ABCG1: variants seen among roughly 807,000 people sequenced by gnomAD.
ABCG1 encodes the protein ATP-binding cassette sub-family G member 1.
Under a neutral mutation model 69.2 loss-of-function variants are expected in ABCG1, and 29 were observed. The ratio of observed to expected loss-of-function variants is 0.42; its 90% CI spans 0.31 to 0.57. The LOEUF (loss-of-function observed/expected upper bound fraction) is 0.57. ABCG1 is among the 20% of genes least tolerant of loss of function. ABCG1 has a pLI of 0.15. For missense variants in ABCG1, 718 were observed against 898.1 expected, an observed-to-expected ratio of 0.80 and a Z score of 2.56; for synonymous variants, 370 against 374.8, an observed-to-expected ratio of 0.99 and a Z score of 0.15.
chr21:42,266,738 A>G (rs2068512243), intron 2 of ABCG1, among the ~76,000 whole-genome samples: 1 of 152,160 alleles, frequency 6.6e-6, no homozygotes, highest in Non-Finnish European at 1.5e-5. Context: ...CTCATAGAGC[A>G]TTTGCTTCCT....
At chr21:42,277,857 G>A (rs576629390) in intron 5 of ABCG1, among the ~76,000 whole-genome samples, 1 of 152,262 alleles carries the variant, frequency 6.6e-6, no homozygotes, top group East Asian at 1.9e-4. Flanking sequence ...TCTATTTCCG[G>A]CATTTCCCCC....
intron 2 of ABCG1, among the ~76,000 whole-genome samples, chr21:42,254,483 G>C (rs1368400442): frequency 6.6e-6 from 1 of 152,158 alleles, no homozygotes; most frequent in African/African-American, 2.4e-5. Flanking sequence ...AATCCCTCAC[G>C]TGTGTTTTGA....
chr21:42,262,909 G>T (rs2068438108), intron 2 of ABCG1, among the ~76,000 whole-genome samples: 1 of 152,376 alleles, frequency 6.6e-6, no homozygotes, highest in Admixed American at 6.5e-5. Flanking sequence ...GCTCTGGCCT[G>T]GTGAGGCCCG....
chr21:42,205,305 T>A (rs999158026), intron 2 of ABCG1, among the ~76,000 whole-genome samples: 9 of 152,128 alleles, frequency 5.9e-5, no homozygotes, highest in Admixed American at 1.3e-4. Context: ...GTTTGTCAAT[T>A]TTATTGATTG....
rs116291780 is a variant in ABCG1, at chr21:42,258,214, C to T, written c.287-12856C>T. On this transcript the variant is annotated intron_variant, in intron 2 of 14. Coordinates refer to ENST00000398449, the MANE Select transcript of ABCG1 (RefSeq NM_016818.3). The stretch of plus-strand genomic sequence containing the variant: ...CCTTCCTCCCATTTCCCCACCCACT[C>T]CATAAGCCTCTCCAACCATCCCTCC... 6.0e-3 allele frequency among the ~76,000 whole-genome samples: 909 copies of T among 150,810 alleles called. 17 individuals carry two copies. The highest frequency in any genetic ancestry group is 0.021 in the African/African-American group (867 of 40,744).
intron 2 of ABCG1, among the ~76,000 whole-genome samples, chr21:42,202,548 C>A (rs1230999528): frequency 4.6e-5 from 7 of 151,496 alleles, no homozygotes; most frequent in Non-Finnish European, 1.0e-4. Context: ...CCTCTCTCGG[C>A]AGCTCCCAGG....
At chr21:42,255,354 T>A (rs1197657490) in intron 2 of ABCG1, among the ~76,000 whole-genome samples, 2 of 152,130 alleles carry the variant, frequency 1.3e-5, no homozygotes, top group Non-Finnish European at 2.9e-5. Flanking sequence ...GTGTACATGG[T>A]GTGTGTGCAC....
At chr21:42,247,954 G>C (rs1010846853) in intron 2 of ABCG1, among the ~76,000 whole-genome samples, 2 of 152,150 alleles carry the variant, frequency 1.3e-5, no homozygotes, top group Non-Finnish European at 2.9e-5. Context: ...GTGTGGCATC[G>C]CGGACATCTC....
intron 4 of ABCG1, among the ~76,000 whole-genome samples, chr21:42,275,218 C>T (rs2068688727): frequency 6.6e-6 from 1 of 152,184 alleles, no homozygotes; most frequent in Admixed American, 6.5e-5. Flanking sequence ...CCCTAAACTT[C>T]TTTGTGGGGA....
rs2068605417 is a variant in ABCG1 at position 42,270,945 on chromosome 21, C to T, written c.287-125C>T. ...GAAGTTCATGTTCTTCCCTGGAATG[C>T]AGCCTTTTCTATGATGCATGTCAAA... On this transcript the variant is annotated intron_variant, in intron 2 of 14. Transcript: ENST00000398449. 4 of 565,568 alleles carry T rather than the reference C, an allele frequency of 7.1e-6. No homozygotes were observed. In the South Asian group the frequency reaches 1.0e-4, roughly 15 times the overall value. 35.0% of individuals were successfully genotyped at this position (565,568 alleles called of 1,614,324 possible).
At position 42,219,736 on chromosome 21, in the gene ABCG1, G is replaced by C. The variant is rs1235094811; in HGVS notation, c.42+432G>C. The C allele has an allele frequency of 6.4e-6, 8 of 1,255,992 alleles. No individual in the cohort carries two copies. The African/African-American group carries it at 9.2e-5, about 14-fold the overall frequency. 77.8% of individuals were successfully genotyped at this position (1,255,992 alleles called of 1,614,324 possible). On this transcript the variant is annotated intron_variant, in intron 1 of 14. Transcript: ENST00000398449. The surrounding 1 kb of genome is among the most constrained non-coding windows in gnomAD (Gnocchi z 5.3). ...CCCCGCGCGCGCGGCTGTGGGCTTGGGGACCGGGGACTTCTCGCGCCATCC... is the reference window on the plus strand; with the variant it reads ...CCCCGCGCGCGCGGCTGTGGGCTTGCGGACCGGGGACTTCTCGCGCCATCC...
intron 2 of ABCG1, among the ~76,000 whole-genome samples, chr21:42,243,447 C>CGTGT (rs869095111): frequency 4.9e-3 from 402 of 81,522 alleles, no homozygotes; most frequent in Middle Eastern, 0.03. Context: ...TGTGTGTGCG[C>CGTGT]GTGTGTGTGT....
intron 2 of ABCG1, chr21:42,256,078 C>T: frequency 8.5e-7 from 1 of 1,170,008 alleles, no homozygotes; most frequent in Non-Finnish European, 1.1e-6. Context: ...TCCAGGTGTG[C>T]ACCCTTTCTT....
chr21:42,282,349 C>T lies in ABCG1; in HGVS notation c.664C>T (p.Arg222Cys), dbSNP rs774196934. 1.6e-5 allele frequency: 26 copies of T among 1,613,634 alleles called. No homozygotes were observed. Among genetic ancestry groups the T allele is most frequent in the African/African-American group, 6.7e-5 (5 of 74,956 alleles). Residue 222 changes from arginine to cysteine, a missense_variant, in exon 6 of 15, where the codon CGC becomes TGC. By Grantham distance (180) the Arg-to-Cys change is radical (BLOSUM62 -3). Coordinates refer to ENST00000398449, the MANE Select transcript of ABCG1 (RefSeq NM_016818.3). ...TRTGSLSGGQ[R>C]KRLAIALELV... ...GACCGGGAGCCTGTCAGGTGGTCAG[C>T]GCAAGCGCCTGGCCATCGCGCTGGA...
rs118130746 is a variant in ABCG1 at position 42,247,176 on chromosome 21, G to C, written c.286+21262G>C. 4.3e-3 allele frequency among the ~76,000 whole-genome samples: 657 copies of C among 152,210 alleles called. 3 individuals carry two copies. The highest frequency in any genetic ancestry group is 7.0e-3 in the Non-Finnish European group (473 of 68,004). ...TTCTTTTTTCTATTTTCATTATGGG[G>C]AAAAAGCATCTTGTCTTCATTCAAC... On this transcript the variant is annotated intron_variant, in intron 2 of 14. Coordinates refer to ENST00000398449, the MANE Select transcript of ABCG1 (RefSeq NM_016818.3).
intron 2 of ABCG1, among the ~76,000 whole-genome samples, chr21:42,240,634 G>T (rs2068037852): frequency 6.6e-6 from 1 of 152,220 alleles, no homozygotes; most frequent in African/African-American, 2.4e-5. Context: ...TTTTAGTAGA[G>T]ATGGGGTTTC....
intron 2 of ABCG1, among the ~76,000 whole-genome samples, chr21:42,241,858 G>A (rs2068056523): frequency 6.7e-6 from 1 of 149,780 alleles, no homozygotes; most frequent in African/African-American, 2.5e-5. Flanking sequence ...CATGCCTGTG[G>A]CCCCAGTTAC....
At chr21:42,294,697 G>A in intron 14 of ABCG1, 37 bp downstream of exon 14, 2 of 1,581,452 alleles carry the variant, frequency 1.3e-6, no homozygotes, top group Non-Finnish European at 8.7e-7. Context: ...TGGGGACCGA[G>A]GGTGACGGGG....
chr21:42,263,711 C>T (rs1239198345), intron 2 of ABCG1, among the ~76,000 whole-genome samples: 2 of 152,218 alleles, frequency 1.3e-5, no homozygotes, highest in Non-Finnish European at 2.9e-5. Flanking sequence ...GAGCCAGCAA[C>T]CCCGTAAAAA....
Sources: allele counts gnomAD v4.1 joint callset (sites outside exome capture counted in the v4.1 genomes callset), GRCh38; gene constraint gnomAD v4.1.1; non-coding constraint Gnocchi (gnomAD v3.1); transcripts MANE v1.5; gene names NCBI Gene and HGNC (gene_info 2026-07-23, HGNC 2026-07-21).